FYCO1: variants seen among roughly 807,000 people sequenced by gnomAD.
FYCO1 encodes FYVE and coiled-coil domain autophagy adaptor 1.
Under a neutral mutation model 165.1 loss-of-function variants are expected in FYCO1, and 122 were observed. The observed-to-expected ratio is 0.74, with a 90% CI of 0.64 to 0.86. The LOEUF is 0.86. FYCO1 is among the 40% of genes least tolerant of loss of function. The pLI is 0.00. For missense variants in FYCO1, 1,702 were observed against 1,810.3 expected (o/e 0.94, Z 1.09); for synonymous variants, 648 against 742.5 (o/e 0.87, Z 2.07).
At chr3:45,939,027 T>C (rs1329015656) in intron 14 of FYCO1, among the ~76,000 whole-genome samples, 1 of 152,212 alleles carries the variant, frequency 6.6e-6, no homozygotes, top group Admixed American at 6.5e-5. Context: ...AGATACCAGA[T>C]ACTCACTGCC....
chr3:45,944,084 C>A (rs564794139), intron 14 of FYCO1, among the ~76,000 whole-genome samples: 2 of 152,104 alleles, frequency 1.3e-5, no homozygotes, highest in African/African-American at 2.4e-5. Context: ...GTTAAAATCA[C>A]ATAGTTTATC....
chr3:45,963,651 T>C (rs991527615), intron 10 of FYCO1, among the ~76,000 whole-genome samples: 1 of 152,224 alleles, frequency 6.6e-6, no homozygotes, highest in Non-Finnish European at 1.5e-5. Flanking sequence ...GCTACACCTT[T>C]TTAAAATCAG....
At chr3:45,959,688 T>C in intron 11 of FYCO1, 146 bp from the exon 12 acceptor site, 3 of 861,406 alleles carry the variant, frequency 3.5e-6, no homozygotes, top group Non-Finnish European at 5.6e-6. Context: ...CCCCAGCCCA[T>C]GCTAAGTCTC....
chr3:45,954,455 C>T (rs1705204361), intron 14 of FYCO1, among the ~76,000 whole-genome samples: 1 of 152,150 alleles, frequency 6.6e-6, no homozygotes, highest in African/African-American at 2.4e-5. Context: ...CTGCCTTCAT[C>T]ACTCAGCAAG....
Position 45,931,262 on chromosome 3 carries a change from C to T in FYCO1, c.4060G>A (p.Val1354Met), listed in dbSNP as rs758408065. 2 of 1,613,820 alleles carry T rather than the reference C, an allele frequency of 1.2e-6. No homozygotes were observed. The highest frequency in any genetic ancestry group is 1.7e-6 in the Non-Finnish European group (2 of 1,179,926). Reference protein sequence around the residue: ...GELMIKVPLTVDEIASFGEGS... With the variant: ...GELMIKVPLTMDEIASFGEGS... ...TCCCCGAAGCTGGCGATCTCATCCACTGTGAGGGGTACTTTGATCCTAAAA... is the reference window on the plus strand; with the variant it reads ...TCCCCGAAGCTGGCGATCTCATCCATTGTGAGGGGTACTTTGATCCTAAAA... The change falls in exon 16 of 18, where the codon GTG (valine) becomes ATG (methionine). Residue 1354 changes from valine to methionine, a missense_variant. Val to Met is a conservative substitution (Grantham distance 21, BLOSUM62 1). Coordinates refer to ENST00000296137, the MANE Select transcript of FYCO1 (RefSeq NM_024513.4).
intron 14 of FYCO1, among the ~76,000 whole-genome samples, chr3:45,937,279 A>G (rs2125806491): frequency 6.6e-6 from 1 of 152,354 alleles, no homozygotes; most frequent in African/African-American, 2.4e-5. Context: ...TGAAGGCATC[A>G]ATGAGGAAGA....
intron 7 of FYCO1, among the ~76,000 whole-genome samples, chr3:45,969,284 T>C (rs112125370): frequency 5.3e-5 from 8 of 152,218 alleles, no homozygotes; most frequent in Non-Finnish European, 1.0e-4. Context: ...AACATATGCT[T>C]AAGAAGTGCA....
intron 1 of FYCO1, among the ~76,000 whole-genome samples, chr3:45,987,769 A>C (rs1234310615): frequency 6.6e-6 from 1 of 152,324 alleles, no homozygotes; most frequent in East Asian, 1.9e-4. Context: ...GCAACAACAG[A>C]TCCTGAGTAA....
chr3:45,931,786 C>T (rs181988668), intron 15 of FYCO1, among the ~76,000 whole-genome samples: 16 of 152,320 alleles, frequency 1.1e-4, no homozygotes, highest in East Asian at 3.9e-4. Context: ...CTGCATCTGG[C>T]GTCCATTGTA....
intron 2 of FYCO1, among the ~76,000 whole-genome samples, chr3:45,982,484 C>A (rs898778367): frequency 2.0e-5 from 3 of 152,280 alleles, no homozygotes; most frequent in Admixed American, 2.0e-4. Context: ...CCAGAGCTCA[C>A]CTCTTAACTT....
chr3:45,973,085 T>C lies in FYCO1; in HGVS notation c.539+3A>G, dbSNP rs755988899. On this transcript the variant is annotated splice_donor_region_variant and intron_variant, in intron 6 of 17. Coordinates refer to ENST00000296137, the MANE Select transcript of FYCO1 (RefSeq NM_024513.4). ...TTTTAAACCAAGCAATCCTTCAAAG[T>C]ACCTGGCAAATGTTGGCCAGGCAGC... The C allele has an allele frequency of 3.2e-5, 52 of 1,614,216 alleles. No individual in the cohort carries two copies. Among genetic ancestry groups the C allele is most frequent in the Non-Finnish European group, 4.4e-5 (52 of 1,180,024 alleles).
At chr3:45,923,935 C>A (rs1454507856) in intron 16 of FYCO1, among the ~76,000 whole-genome samples, 170 bp from the exon 17 acceptor site, 1 of 152,242 alleles carries the variant, frequency 6.6e-6, no homozygotes, top group Non-Finnish European at 1.5e-5. Flanking sequence ...TGCCATCCCA[C>A]AACCTGAGGC....
rs565333448 is a variant in FYCO1 at position 45,951,962 on chromosome 3, C to A, written c.3944+3287G>T. On this transcript the variant is annotated intron_variant, in intron 14 of 17. Coordinates refer to ENST00000296137, the MANE Select transcript of FYCO1 (RefSeq NM_024513.4). ...GAAGGCAGGGGAGATGGGCAAAATG[C>A]GGACATGGGACGGAGAGAAGAGAGC... 6.1e-4 allele frequency among the ~76,000 whole-genome samples: 93 copies of A among 152,296 alleles called. 1 individual carries two copies. The highest frequency in any genetic ancestry group is 1.1e-3 in the Non-Finnish European group (74 of 68,018).
In FYCO1 at chr3:45,967,485, C is replaced by T; in HGVS notation, c.1849G>A (p.Ala617Thr). ...EGSQEEELRQ[A>T]NRELEKELQN... ...AGCTCCTTCTCCAGCTCCCTGTTGG[C>T]CTGCCGGAGCTCTTCCTCCTGGCTG... The change falls in exon 8 of 18, where the codon GCC becomes ACC. Residue 617 changes from alanine (A) to threonine (T), a missense_variant. Coordinates refer to ENST00000296137, the MANE Select transcript of FYCO1 (RefSeq NM_024513.4). 8 of 1,613,698 alleles carry T rather than the reference C, an allele frequency of 5.0e-6. No homozygotes were observed. Among genetic ancestry groups the T allele is most frequent in the Non-Finnish European group, 6.8e-6 (8 of 1,180,002 alleles).
chr3:45,984,807 C>A (rs1227097200), intron 2 of FYCO1, 49 bp downstream of exon 2: 1 of 1,600,780 alleles, frequency 6.2e-7, no homozygotes, highest in Admixed American at 1.7e-5. Context: ...AAAAGCCCTG[C>A]CACAAGTCCC....
chr3:45,966,893 C>A lies in FYCO1; in HGVS notation c.2441G>T (p.Ser814Ile). Residue 814 changes from serine (S) to isoleucine (I), a missense_variant, in exon 8 of 18, where the codon AGC (serine) becomes ATC (isoleucine). Physicochemically the swap from Ser to Ile is moderately radical, Grantham distance 142. Coordinates refer to ENST00000296137, the MANE Select transcript of FYCO1 (RefSeq NM_024513.4). ...DDQDKVQSQLSMAEAVLREHK... is the reference protein window; with the variant it reads ...DDQDKVQSQLIMAEAVLREHK... ...CTCCCTCAGGACGGCCTCAGCCATG[C>A]TTAGCTGGCTCTGCACCTTGTCCTG... The A allele has an allele frequency of 1.9e-6, 3 of 1,613,646 alleles. No homozygotes were observed. Among genetic ancestry groups the A allele is most frequent in the Admixed American group, 1.7e-5 (1 of 60,036 alleles).
intron 14 of FYCO1, among the ~76,000 whole-genome samples, chr3:45,943,225 C>A (rs1234063326): frequency 6.6e-6 from 1 of 152,164 alleles, no homozygotes; most frequent in South Asian, 2.1e-4. Context: ...CAGAGCCAAA[C>A]CTCCTTATTG....
chr3:45,918,730 A>C lies in FYCO1; in HGVS notation c.*3035T>G, dbSNP rs1187147453. 2 of 152,232 alleles carry C rather than the reference A, an allele frequency of 1.3e-5. No individual in the cohort carries two copies. Among genetic ancestry groups the C allele is most frequent in the Non-Finnish European group, 2.9e-5 (2 of 68,036 alleles). 9.4% of individuals were successfully genotyped at this position (152,232 alleles called of 1,614,324 possible). Reference sequence around the variant, plus strand: ...CTTCGATGATAATTTTAAAATTTCCAAAACACCATTTATTCTTGAGTTATA... The same window carrying C: ...CTTCGATGATAATTTTAAAATTTCCCAAACACCATTTATTCTTGAGTTATA... On this transcript the variant is annotated 3_prime_UTR_variant, in exon 18 of 18. Coordinates refer to ENST00000296137, the MANE Select transcript of FYCO1 (RefSeq NM_024513.4).
At chr3:45,946,945 T>C (rs768831744) in intron 14 of FYCO1, 14 of 1,614,124 alleles carry the variant, frequency 8.7e-6, no homozygotes, top group Non-Finnish European at 1.2e-5. Flanking sequence ...AGCTTGCTCA[T>C]CTGGGTGATA....
Sources: gnomAD v4.1 joint callset for allele counts (sites outside exome capture counted in the v4.1 genomes callset) on GRCh38, gnomAD v4.1.1 for gene constraint, MANE v1.5 for transcripts, NCBI Gene and HGNC (gene_info 2026-07-23, HGNC 2026-07-21) for gene names.